Variants in NLGN1 observed in about 807,000 individuals in gnomAD.
NLGN1 encodes neuroligin 1.
Under a neutral mutation model 65.5 loss-of-function variants are expected in NLGN1, and 12 were observed. The observed-to-expected ratio is 0.18, with a 90% CI of 0.12 to 0.30. The LOEUF is 0.30. NLGN1 is among the 10% of genes least tolerant of loss of function. The pLI is 1.00. For missense variants in NLGN1, 750 were observed against 1,007.1 expected (o/e 0.74, Z 3.46); for synonymous variants, 350 against 359.5 (o/e 0.97, Z 0.30).
chr3:174,055,934 G>A lies in NLGN1; in HGVS notation c.647-219381G>A, dbSNP rs141796181. 3.6e-3 allele frequency among the ~76,000 whole-genome samples: 550 copies of A among 151,612 alleles called. 4 individuals carry two copies. The highest frequency in any genetic ancestry group is 0.012 in the African/African-American group (510 of 41,362). The stretch of plus-strand genomic sequence containing the variant: ...TTTTTTTTTGCTACTTTTACAAGTA[G>A]GTTATAGCCCATTGTCTCTGTCCTA... On this transcript the variant is annotated intron_variant, in intron 4 of 6. Transcript: ENST00000457714.
intron 2 of NLGN1, among the ~76,000 whole-genome samples, chr3:173,487,600 T>G (rs897264184): frequency 6.6e-6 from 1 of 152,078 alleles, no homozygotes; most frequent in African/African-American, 2.4e-5. Context: ...TGTCAAATTC[T>G]CTTTATAATT....
At chr3:173,787,296 T>C (rs905012522) in intron 3 of NLGN1, among the ~76,000 whole-genome samples, 4 of 152,208 alleles carry the variant, frequency 2.6e-5, no homozygotes, top group African/African-American at 9.7e-5. Flanking sequence ...TTTCTATCTT[T>C]CTATACTAAA....
intron 3 of NLGN1, among the ~76,000 whole-genome samples, chr3:173,742,520 G>A (rs1774808601): frequency 6.6e-6 from 1 of 152,068 alleles, no homozygotes; most frequent in African/African-American, 2.4e-5. Flanking sequence ...CCATGTCATA[G>A]ATGAAGAAGC....
At chr3:173,972,505 G>T (rs1716493424) in intron 4 of NLGN1, among the ~76,000 whole-genome samples, 1 of 152,080 alleles carries the variant, frequency 6.6e-6, no homozygotes, top group Admixed American at 6.6e-5. Flanking sequence ...AGAAGTGTGA[G>T]TGGATAGAAT....
At chr3:173,411,389 G>A (rs368169398) in intron 1 of NLGN1, among the ~76,000 whole-genome samples, 6 of 152,158 alleles carry the variant, frequency 3.9e-5, no homozygotes, top group African/African-American at 1.2e-4. Context: ...CCATTCAGAG[G>A]TGCTGTTCTG....
At chr3:173,550,008 G>A (rs540621410) in intron 2 of NLGN1, among the ~76,000 whole-genome samples, 3 of 152,046 alleles carry the variant, frequency 2.0e-5, no homozygotes, top group Non-Finnish European at 2.9e-5. Flanking sequence ...GAGATTATGA[G>A]GATCTAGGTC....
intron 2 of NLGN1, among the ~76,000 whole-genome samples, chr3:173,444,130 A>C (rs1719727466): frequency 6.6e-6 from 1 of 152,240 alleles, no homozygotes; most frequent in African/African-American, 2.4e-5. Flanking sequence ...ATACAATACT[A>C]AGATTATAGG....
intron 3 of NLGN1, among the ~76,000 whole-genome samples, chr3:173,726,786 T>C (rs1242379886): frequency 6.9e-6 from 1 of 143,954 alleles, no homozygotes; most frequent in Non-Finnish European, 1.5e-5. Flanking sequence ...TTGTACAGTT[T>C]GTATTAAAGG....
intron 3 of NLGN1, among the ~76,000 whole-genome samples, chr3:173,788,109 A>T (rs1711614317): frequency 6.6e-6 from 1 of 150,692 alleles, no homozygotes; most frequent in East Asian, 2.0e-4. Context: ...CTCCTTAATG[A>T]GTATTATTAC....
At chr3:174,124,652 CTTAT>C (rs1480505315) in intron 4 of NLGN1, among the ~76,000 whole-genome samples, 66 of 146,006 alleles carry the variant, frequency 4.5e-4, no homozygotes, top group African/African-American at 1.6e-3. Context: ...TAAGTACATA[CTTAT>C]ATATATGTAT....
chr3:174,076,443 T>C lies in NLGN1; in HGVS notation c.647-198872T>C, dbSNP rs190539321. On this transcript the variant is annotated intron_variant, in intron 4 of 6. Coordinates refer to ENST00000457714, the Ensembl canonical transcript of NLGN1. Reference sequence around the variant, plus strand: ...CAGTGCCATTTCCTGAACACTCACATTTGGTCTGAATCTGCTCTGGATTCT... The same window carrying C: ...CAGTGCCATTTCCTGAACACTCACACTTGGTCTGAATCTGCTCTGGATTCT... Among the ~76,000 whole-genome samples the C allele has an allele frequency of 3.3e-5, 5 of 152,224 alleles. 1 individual carries two copies. Among genetic ancestry groups the C allele is most frequent in the Admixed American group, 3.3e-4 (5 of 15,274 alleles).
At chr3:173,538,444 G>A (rs564716383) in intron 2 of NLGN1, among the ~76,000 whole-genome samples, 2 of 152,316 alleles carry the variant, frequency 1.3e-5, no homozygotes, top group South Asian at 2.1e-4. Flanking sequence ...AGTGAATAAG[G>A]CATTGTGTAA....
At chr3:173,599,436 GT>G (rs1750074160) in intron 2 of NLGN1, among the ~76,000 whole-genome samples, 1 of 152,080 alleles carries the variant, frequency 6.6e-6, no homozygotes, top group African/African-American at 2.4e-5. Context: ...CACCACTAGT[GT>G]ATATGAAACA....
the NLGN1 span, among the ~76,000 whole-genome samples, chr3:174,293,133 T>C: frequency 4.6e-5 from 7 of 151,536 alleles, no homozygotes; most frequent in Non-Finnish European, 1.0e-4. Flanking sequence ...AATAAAATTA[T>C]AAAGGACAGC....
chr3:173,968,173 T>C (rs1715303493), intron 4 of NLGN1, among the ~76,000 whole-genome samples: 1 of 152,180 alleles, frequency 6.6e-6, no homozygotes, highest in Non-Finnish European at 1.5e-5. Context: ...TTTTCAATTG[T>C]AGAGATTTAG....
chr3:174,093,383 T>C (rs934181406), intron 4 of NLGN1, among the ~76,000 whole-genome samples: 2 of 152,198 alleles, frequency 1.3e-5, no homozygotes, highest in African/African-American at 2.4e-5. Flanking sequence ...GATGAGAGTA[T>C]GTCAGAAGCA....
At chr3:173,665,544 A>G (rs1039032808) in intron 3 of NLGN1, among the ~76,000 whole-genome samples, 5 of 152,170 alleles carry the variant, frequency 3.3e-5, no homozygotes, top group African/African-American at 1.2e-4. Flanking sequence ...ACATCATTAT[A>G]TTTCTGCGGA....
chr3:173,572,373 T>TA (rs1416800152), intron 2 of NLGN1, among the ~76,000 whole-genome samples: 2 of 152,236 alleles, frequency 1.3e-5, no homozygotes, highest in African/African-American at 2.4e-5. Context: ...ATTTGTAGTA[T>TA]AAAAAACATT....
chr3:174,233,470 G>A (rs1238486441), intron 4 of NLGN1, among the ~76,000 whole-genome samples: 1 of 150,492 alleles, frequency 6.6e-6, no homozygotes, highest in Admixed American at 6.7e-5. Context: ...TGGGCAACAA[G>A]AGCAAAACTC....
Sources: gnomAD v4.1 joint callset for allele counts (sites outside exome capture counted in the v4.1 genomes callset) on GRCh38, gnomAD v4.1.1 for gene constraint, MANE v1.5 for transcripts, NCBI Gene and HGNC (gene_info 2026-07-23, HGNC 2026-07-21) for gene names.